ARNT2: variants seen among roughly 807,000 people sequenced by gnomAD.
ARNT2 encodes the protein ARNT protein 2.
Under a neutral mutation model 91.7 loss-of-function variants are expected in ARNT2, and 36 were observed. That is an observed-to-expected ratio of 0.39 (90% confidence interval 0.30 to 0.52). The LOEUF is 0.52. Among genes scored for constraint, ARNT2 ranks in the 20% least tolerant of loss-of-function variants. ARNT2 has a pLI of 0.72. For synonymous variants in ARNT2, 365 were observed against 347.1 expected (o/e 1.05, Z -0.57); for missense variants, 775 against 939.3 (o/e 0.83, Z 2.29).
At chr15:80,540,322 C>T (rs182357652) in intron 8 of ARNT2, among the ~76,000 whole-genome samples, 2 of 152,176 alleles carry the variant, frequency 1.3e-5, no homozygotes, top group Non-Finnish European at 1.5e-5. Flanking sequence ...CACATGATTG[C>T]GTTTTTTTGT....
At chr15:80,561,007 G>C (rs548583310) in intron 11 of ARNT2, among the ~76,000 whole-genome samples, 1 of 152,110 alleles carries the variant, frequency 6.6e-6, no homozygotes, top group African/African-American at 2.4e-5. Context: ...AGCCCCAGCC[G>C]TGGGGCCAGC....
chr15:80,482,535 G>A lies in ARNT2; in HGVS notation c.622+7312G>A, dbSNP rs554230868. ...AAACAGCTGCTACAAAGTAGAGCTC[G>A]TAGTCAATGCCAAAGAAGCTTATTG... On this transcript the variant is annotated intron_variant, in intron 5 of 18. Transcript: ENST00000303329. Among the ~76,000 whole-genome samples the A allele has an allele frequency of 6.6e-5, 10 of 152,298 alleles. No homozygotes were observed. The South Asian group carries it at 8.3e-4, about 13-fold the overall frequency.
At chr15:80,443,818 T>C (rs1341252323) in intron 1 of ARNT2, among the ~76,000 whole-genome samples, 3 of 152,154 alleles carry the variant, frequency 2.0e-5, no homozygotes, top group African/African-American at 7.2e-5. Context: ...CTTGTGACGA[T>C]GGCAGCTCTC....
chr15:80,484,290 G>A (rs918896892), intron 5 of ARNT2, among the ~76,000 whole-genome samples: 2 of 152,128 alleles, frequency 1.3e-5, no homozygotes, highest in African/African-American at 4.8e-5. Context: ...AGAAAAGCAT[G>A]TTTATTTGAC....
At chr15:80,463,955 C>T (rs1304382523) in intron 3 of ARNT2, among the ~76,000 whole-genome samples, 1 of 152,162 alleles carries the variant, frequency 6.6e-6, no homozygotes, top group Non-Finnish European at 1.5e-5. Context: ...AGCTATGCTA[C>T]CCGCTTCAGT....
chr15:80,450,917 C>T lies in ARNT2; in HGVS notation c.69C>T (p.Pro23=), dbSNP rs199615351. The T allele has an allele frequency of 1.3e-5, 21 of 1,614,154 alleles. No homozygotes were observed. The highest frequency in any genetic ancestry group is 6.7e-5 in the African/African-American group (5 of 75,046). The change falls in exon 2 of 19, where the codon CCC becomes CCT. Residue 23 remains proline, a synonymous_variant. Coordinates refer to ENST00000303329, the MANE Select transcript of ARNT2 (RefSeq NM_014862.4). The part of the protein sequence containing the change: ...ASDIPGSVTL[P]VAPMAATGQV... ...ACATACCTGGATCTGTGACGTTGCC[C>T]GTTGCCCCCATGGCGGCCACCGGAC...
intron 17 of ARNT2, among the ~76,000 whole-genome samples, chr15:80,585,824 G>A (rs1366861085): frequency 1.3e-5 from 2 of 152,204 alleles, no homozygotes; most frequent in African/African-American, 4.8e-5. Context: ...CACTGCGTTA[G>A]ACACACTGCA....
chr15:80,475,999 A>G (rs912986064), intron 5 of ARNT2, among the ~76,000 whole-genome samples: 1 of 152,286 alleles, frequency 6.6e-6, no homozygotes, highest in Non-Finnish European at 1.5e-5. Context: ...AAAGTGGTTT[A>G]GAAGAACAAC....
chr15:80,475,098 C>G lies in ARNT2; in HGVS notation c.497C>G (p.Ser166Cys), dbSNP rs1327764647. The G allele has an allele frequency of 8.1e-6, 13 of 1,614,070 alleles. No homozygotes were observed. Among genetic ancestry groups the G allele is most frequent in the South Asian group, 1.1e-5 (1 of 91,086 alleles). ...ETGRVIYVSD[S>C]VTPVLNQPQS... Reference sequence around the variant, plus strand: ...GGGCGAGTGATTTATGTGTCTGACTCCGTCACCCCTGTTCTGAACCAGCCC... The same window carrying G: ...GGGCGAGTGATTTATGTGTCTGACTGCGTCACCCCTGTTCTGAACCAGCCC... The change falls in exon 5 of 19, where the codon TCC becomes TGC. Residue 166 changes from serine (S) to cysteine (C), a missense_variant. Physicochemically the swap from Ser to Cys is moderately radical, Grantham distance 112 (BLOSUM62 -1). Transcript: ENST00000303329.
At chr15:80,520,620 G>A (rs557030386) in intron 8 of ARNT2, among the ~76,000 whole-genome samples, 2 of 152,016 alleles carry the variant, frequency 1.3e-5, no homozygotes, top group Non-Finnish European at 2.9e-5. Context: ...GAAACTTTTG[G>A]AGGTCATGGT....
chr15:80,563,382 G>A (rs776157951), intron 12 of ARNT2, 143 bp downstream of exon 12: 77 of 1,044,478 alleles, frequency 7.4e-5, no homozygotes, highest in Non-Finnish European at 9.7e-5. Flanking sequence ...AGAGGAGACT[G>A]TAGGTCCCCA....
intron 1 of ARNT2, among the ~76,000 whole-genome samples, chr15:80,413,511 A>G (rs1431584535): frequency 6.6e-6 from 1 of 152,200 alleles, no homozygotes; most frequent in African/African-American, 2.4e-5. Context: ...TTTCAAATGC[A>G]CATTCAGGAG....
chr15:80,483,824 C>T (rs1198198735), intron 5 of ARNT2, among the ~76,000 whole-genome samples: 1 of 152,208 alleles, frequency 6.6e-6, no homozygotes, highest in East Asian at 1.9e-4. Context: ...CATGCAGCCT[C>T]AGCCTACCCA....
chr15:80,439,512 C>T (rs1896153631), intron 1 of ARNT2, among the ~76,000 whole-genome samples: 1 of 152,212 alleles, frequency 6.6e-6, no homozygotes, highest in African/African-American at 2.4e-5. Context: ...ATTCTGTATC[C>T]TGCTCCATTA....
At chr15:80,438,048 A>G (rs1338761870) in intron 1 of ARNT2, among the ~76,000 whole-genome samples, 3 of 152,038 alleles carry the variant, frequency 2.0e-5, no homozygotes, top group African/African-American at 7.2e-5. Context: ...CTGAGCATCT[A>G]TGTTTGGCTG....
chr15:80,410,665 T>G (rs1255665680), intron 1 of ARNT2, among the ~76,000 whole-genome samples: 1 of 152,176 alleles, frequency 6.6e-6, no homozygotes, highest in African/African-American at 2.4e-5. Context: ...ATTTACTGCT[T>G]TATTGTCTGT....
chr15:80,408,841 G>T (rs1304800229), intron 1 of ARNT2, among the ~76,000 whole-genome samples: 1 of 152,152 alleles, frequency 6.6e-6, no homozygotes, highest in Non-Finnish European at 1.5e-5. Context: ...CCTGAAAAAA[G>T]AGATTTATTT....
At chr15:80,517,627 TG>T (rs976018106) in intron 8 of ARNT2, among the ~76,000 whole-genome samples, 2 of 149,918 alleles carry the variant, frequency 1.3e-5, no homozygotes, top group African/African-American at 5.0e-5. Flanking sequence ...TTGAGTGTTC[TG>T]GTTTTTTTTT....
chr15:80,544,958 C>G (rs1487632932), intron 8 of ARNT2, among the ~76,000 whole-genome samples: 1 of 152,100 alleles, frequency 6.6e-6, no homozygotes, highest in Non-Finnish European at 1.5e-5. Flanking sequence ...GATAGATAGA[C>G]TGAGTTGTCT....
Sources: allele counts gnomAD v4.1 joint callset (sites outside exome capture counted in the v4.1 genomes callset), GRCh38; gene constraint gnomAD v4.1.1; transcripts MANE v1.5; gene names NCBI Gene and HGNC (gene_info 2026-07-23, HGNC 2026-07-21).